The following LRRC27 variants were observed in gnomAD, a reference collection of about 807,000 sequenced individuals.
LRRC27 encodes leucine-rich repeat-containing protein 27.
LRRC27 carries 57 observed loss-of-function variants against 55.0 expected under a neutral mutation model. The observed-to-expected ratio is 1.04, with a 90% confidence interval of 0.84 to 1.29. The LOEUF is 1.29. LRRC27 is among the 50% of genes most tolerant of loss of function. LRRC27 has a pLI of 0.00. For synonymous variants in LRRC27, 278 were observed against 251.9 expected (o/e 1.10, Z -0.98); for missense variants, 721 against 651.5 (o/e 1.11, Z -1.16).
chr10:132,331,200 CAAAA>C (rs35734065), upstream of LRRC27, among the ~76,000 whole-genome samples: 2 of 56,330 alleles, frequency 3.6e-5, no homozygotes, highest in Admixed American at 2.4e-4. Context: ...GACTCCACCT[CAAAA>C]AAAAAAAAAA....
At chr10:132,333,801 C>G in intron 2 of LRRC27, 67 bp downstream of exon 2, 1 of 1,205,648 alleles carries the variant, frequency 8.3e-7, no homozygotes, top group Non-Finnish European at 1.2e-6. Flanking sequence ...GGAATGTACC[C>G]CTGGGCTTTA....
intron 5 of LRRC27, 54 bp from the exon 6 acceptor site, chr10:132,347,930 T>G (rs1260079954): frequency 6.5e-7 from 1 of 1,532,156 alleles, no homozygotes; most frequent in African/African-American, 1.4e-5. Context: ...TTTGAATAAG[T>G]CACAGAGGGA....
intron 1 of LRRC27, 24 bp from the exon 2 acceptor site, chr10:132,333,453 C>T (rs770128332): frequency 9.9e-5 from 119 of 1,205,182 alleles, no homozygotes; most frequent in Non-Finnish European, 1.3e-4. Flanking sequence ...GTTGCTTCTA[C>T]GTTTCCCTTT....
At chr10:132,363,718 C>CGGCCCT (rs1564851957) in intron 9 of LRRC27, among the ~76,000 whole-genome samples, 1 of 152,158 alleles carries the variant, frequency 6.6e-6, no homozygotes, top group Non-Finnish European at 1.5e-5. Context: ...GGCCTGGCCC[C>CGGCCCT]GGCCCTGCTG....
chr10:132,348,243 G>C lies in LRRC27; in HGVS notation c.813G>C (p.Glu271Asp). Residue 271 changes from glutamate to aspartate, a missense_variant, in exon 6 of 11, where the codon GAG becomes GAC. Coordinates refer to ENST00000368614, the MANE Select transcript of LRRC27 (RefSeq NM_030626.3). This position sits in a 1 kb window ranked among gnomAD's most constrained non-coding sequence, Gnocchi z 4.2. ...GGAAGCTGAGGCAGGAGATTGTTGA[G>C]CACGTGAAGGCAGACGTTCTGGGAG... ...RFWKLRQEIV[E>D]HVKADVLGDQ... The C allele has an allele frequency of 6.2e-7, 1 of 1,614,076 alleles. No individual in the cohort carries two copies. The highest frequency in any genetic ancestry group is 1.1e-5 in the South Asian group (1 of 91,086).
rs1040871394 is a variant in LRRC27 at position 132,380,571 on chromosome 10, A to C, written c.*5329A>C. On this transcript the variant is annotated 3_prime_UTR_variant, in exon 11 of 11. Coordinates refer to ENST00000368614, the MANE Select transcript of LRRC27 (RefSeq NM_030626.3). ...CTACTCAGGAGGCTGAGGCAGGAGG[A>C]TCCCTTGAGCCCAGGAGGTCGAGGC... 6.6e-6 allele frequency among the ~76,000 whole-genome samples: 1 copy of C among 152,140 alleles called. No homozygotes were observed. The highest frequency in any genetic ancestry group is 2.4e-5 in the African/African-American group (1 of 41,434).
chr10:132,348,270 T>G lies in LRRC27; in HGVS notation c.840T>G (p.Asp280Glu). ...ACGTGAAGGCAGACGTTCTGGGAGA[T>G]CAGCTCTTGACGAGGGAATTACCTC... ...VEHVKADVLG[D>E]QLLTRELPPN... is the part of the protein sequence containing the mutation. Residue 280 changes from aspartate (D) to glutamate (E), a missense_variant, in exon 6 of 11, where the codon GAT becomes GAG. Coordinates refer to ENST00000368614, the MANE Select transcript of LRRC27 (RefSeq NM_030626.3). The surrounding 1 kb of genome is among the most constrained non-coding windows in gnomAD (Gnocchi z 4.2). 6.2e-7 allele frequency: 1 copy of G among 1,613,986 alleles called. No homozygotes were observed. The highest frequency in any genetic ancestry group is 8.5e-7 in the Non-Finnish European group (1 of 1,180,020).
chr10:132,345,417 T>C (rs2067632599), intron 5 of LRRC27, among the ~76,000 whole-genome samples: 1 of 152,244 alleles, frequency 6.6e-6, no homozygotes, highest in African/African-American at 2.4e-5. Context: ...CCTTGCACTT[T>C]TGACCCAGAT....
At position 132,380,273 on chromosome 10, in the gene LRRC27, G is replaced by A. The variant is rs1045440424; in HGVS notation, c.*5031G>A. Among the ~76,000 whole-genome samples, 1 of 148,976 alleles carries A rather than the reference G, an allele frequency of 6.7e-6. No individual in the cohort carries two copies. Among genetic ancestry groups the A allele is most frequent in the Admixed American group, 6.7e-5 (1 of 14,944 alleles). Reference sequence around the variant, plus strand: ...ATCACGCCATTGCACTCCAGCCTGGGCAACAAGAGCAAAACTCTGTCTCAA... The same window carrying A: ...ATCACGCCATTGCACTCCAGCCTGGACAACAAGAGCAAAACTCTGTCTCAA... On this transcript the variant is annotated 3_prime_UTR_variant, in exon 11 of 11. Coordinates refer to ENST00000368614, the MANE Select transcript of LRRC27 (RefSeq NM_030626.3).
chr10:132,336,855 A>G, intron 2 of LRRC27: 1 of 735,352 alleles, frequency 1.4e-6, no homozygotes, highest in South Asian at 1.5e-5. Context: ...AGCAGCATTA[A>G]TGACAGTATT....
At chr10:132,357,735 A>T (rs2474342) in intron 8 of LRRC27, among the ~76,000 whole-genome samples, 23,109 of 152,244 alleles carry the variant, frequency 0.15, 2,179 homozygotes, top group Non-Finnish European at 0.22. Context: ...GCAGTTTCTT[A>T]AAAAAGAAAA....
chr10:132,330,501 T>G (rs7085852), upstream of LRRC27: 2 of 716,262 alleles, frequency 2.8e-6, no homozygotes, highest in South Asian at 1.5e-5. Flanking sequence ...TGGTAGATAG[T>G]TGGGTATGTA....
intron 10 of LRRC27, among the ~76,000 whole-genome samples, chr10:132,366,100 A>G (rs1407927996): frequency 6.6e-6 from 1 of 152,208 alleles, no homozygotes; most frequent in African/African-American, 2.4e-5. Flanking sequence ...AGCACTGGGA[A>G]TCTGATGGCA....
intron 7 of LRRC27, chr10:132,352,985 G>C (rs772536601): frequency 4.3e-6 from 7 of 1,613,042 alleles, no homozygotes; most frequent in Non-Finnish European, 5.9e-6. Context: ...ACCACCTTGC[G>C]AGGTGTGTTG....
chr10:132,363,403 C>G (rs1270727256), intron 9 of LRRC27, among the ~76,000 whole-genome samples: 1 of 152,212 alleles, frequency 6.6e-6, no homozygotes, highest in Non-Finnish European at 1.5e-5. Flanking sequence ...TCGCCTCCAC[C>G]TCCTCTGAGC....
rs1564828977 is a variant in LRRC27 at position 132,344,495 on chromosome 10, C to A, written c.401-3C>A. 1 of 1,608,478 alleles carries A rather than the reference C, an allele frequency of 6.2e-7. No homozygotes were observed. Among genetic ancestry groups the A allele is most frequent in the Non-Finnish European group, 8.5e-7 (1 of 1,175,832 alleles). On this transcript the variant is annotated splice_region_variant and splice_polypyrimidine_tract_variant and intron_variant, in intron 4 of 10. Coordinates refer to ENST00000368614, the MANE Select transcript of LRRC27 (RefSeq NM_030626.3). ...CTGACAGTTTTTTTTTCCTCCACTGCAGGGAGCGTAACCACGCTGAAAGCA... is the reference window on the plus strand; with the variant it reads ...CTGACAGTTTTTTTTTCCTCCACTGAAGGGAGCGTAACCACGCTGAAAGCA...
Position 132,347,977 on chromosome 10 carries a change from C to T in LRRC27, c.554-7C>T, listed in dbSNP as rs1401077361. On this transcript the variant is annotated splice_region_variant and splice_polypyrimidine_tract_variant and intron_variant, in intron 5 of 10. Coordinates refer to ENST00000368614, the MANE Select transcript of LRRC27 (RefSeq NM_030626.3). Reference sequence around the variant, plus strand: ...GTAGCTACTAAAGCGGTTTCTTACTCTCCCAGAGGCTCCACCGGTTAGAGA... The same window carrying T: ...GTAGCTACTAAAGCGGTTTCTTACTTTCCCAGAGGCTCCACCGGTTAGAGA... 2 of 1,589,558 alleles carry T rather than the reference C, an allele frequency of 1.3e-6. No homozygotes were observed. Among genetic ancestry groups the T allele is most frequent in the Non-Finnish European group, 1.7e-6 (2 of 1,169,744 alleles).
At chr10:132,351,270 A>G in intron 6 of LRRC27, 1 of 238,094 alleles carries the variant, frequency 4.2e-6, no homozygotes, top group South Asian at 6.1e-5. Flanking sequence ...CAGGTCAGAC[A>G]AGGGTGCGGC....
chr10:132,366,286 G>A (rs1389147874), intron 10 of LRRC27: 3 of 152,812 alleles, frequency 2.0e-5, no homozygotes, highest in Non-Finnish European at 2.9e-5. Context: ...TGACACGCTC[G>A]GTGTCTATGT....
Sources: allele counts gnomAD v4.1 joint callset (sites outside exome capture counted in the v4.1 genomes callset), GRCh38; gene constraint gnomAD v4.1.1; non-coding constraint Gnocchi (gnomAD v3.1); transcripts MANE v1.5; gene names NCBI Gene and HGNC (gene_info 2026-07-23, HGNC 2026-07-21).